The following PPM1L variants were observed in gnomAD, a reference collection of about 807,000 sequenced individuals.
PPM1L encodes the protein protein phosphatase 1L.
PPM1L carries 13 observed loss-of-function variants against 31.4 expected under a neutral mutation model. That is an observed-to-expected ratio of 0.41 (90% CI 0.27 to 0.66). PPM1L has a LOEUF of 0.66. PPM1L is among the 30% of genes least tolerant of loss of function. PPM1L has a pLI of 0.29. For missense variants in PPM1L, 326 were observed against 453.7 expected, an observed-to-expected ratio of 0.72 and a Z score of 2.56; for synonymous variants, 184 against 175.4, an observed-to-expected ratio of 1.05 and a Z score of -0.39.
rs1714812205 is a variant in PPM1L at position 160,756,628 on chromosome 3, A to ATC, written c.320_321insTC (p.Arg108ProfsTer33). The ATC allele has an allele frequency of 1.2e-6, 2 of 1,613,932 alleles. No homozygotes were observed. The highest frequency in any genetic ancestry group is 3.3e-5 in the Admixed American group (2 of 59,992). On this transcript the variant is annotated frameshift_variant, in exon 1 of 4. Coordinates refer to ENST00000498165, the MANE Select transcript of PPM1L (RefSeq NM_139245.4). LOFTEE classifies it high-confidence loss of function. The surrounding 1 kb of genome is among the most constrained non-coding windows in gnomAD (Gnocchi z 6.2). ...CAGGGCCGGAGAGACCACATGGAGG[A>ATC]CCGCTTCGAAGTTCTCACGGATCTG...
intron 1 of PPM1L, among the ~76,000 whole-genome samples, chr3:160,779,017 C>A (rs917969321): frequency 4.0e-5 from 6 of 150,492 alleles, no homozygotes; most frequent in Non-Finnish European, 8.8e-5. Flanking sequence ...AGTAAACAGT[C>A]TAAAAATGCT....
intron 1 of PPM1L, among the ~76,000 whole-genome samples, chr3:160,899,844 A>G (rs372418175): frequency 1.0e-3 from 154 of 152,300 alleles, no homozygotes; most frequent in African/African-American, 3.6e-3. Flanking sequence ...TTAAATGTAG[A>G]TGAATTTTCT....
At chr3:160,836,382 T>C (rs1049612248) in intron 1 of PPM1L, among the ~76,000 whole-genome samples, 2 of 151,972 alleles carry the variant, frequency 1.3e-5, no homozygotes, top group Non-Finnish European at 2.9e-5. Flanking sequence ...GTGTGAATAG[T>C]GGGCAGGGGA....
intron 1 of PPM1L, among the ~76,000 whole-genome samples, chr3:160,931,778 C>G (rs1714795761): frequency 2.0e-5 from 3 of 152,174 alleles, no homozygotes; most frequent in African/African-American, 2.4e-5. Flanking sequence ...TGATGCAAAC[C>G]TATTCTTCCA....
chr3:160,840,351 A>G (rs1713835215), intron 1 of PPM1L, among the ~76,000 whole-genome samples: 1 of 152,190 alleles, frequency 6.6e-6, no homozygotes. Flanking sequence ...TCTGGAATCC[A>G]CAGGAATGAC....
intron 1 of PPM1L, among the ~76,000 whole-genome samples, chr3:160,907,899 C>T (rs1019719970): frequency 1.3e-5 from 2 of 152,118 alleles, no homozygotes; most frequent in Non-Finnish European, 2.9e-5. Flanking sequence ...CTCCTCTTAC[C>T]CTCTGATCTC....
At chr3:160,885,548 G>T (rs1186413772) in intron 1 of PPM1L, among the ~76,000 whole-genome samples, 3 of 152,198 alleles carry the variant, frequency 2.0e-5, no homozygotes, top group Non-Finnish European at 4.4e-5. Flanking sequence ...GAACCAACTA[G>T]ACTCTGGCTG....
At chr3:161,001,954 A>G (rs916073809) in intron 2 of PPM1L, among the ~76,000 whole-genome samples, 5 of 151,996 alleles carry the variant, frequency 3.3e-5, no homozygotes, top group African/African-American at 1.2e-4. Flanking sequence ...GTCATCTAGC[A>G]TTAGGTATAT....
chr3:160,856,975 A>G (rs1336334425), intron 1 of PPM1L, among the ~76,000 whole-genome samples: 1 of 152,122 alleles, frequency 6.6e-6, no homozygotes, highest in East Asian at 1.9e-4. Context: ...AAATTTCTGA[A>G]ACTTCTTTCC....
Position 161,046,326 on chromosome 3 carries a change from C to A in PPM1L, c.575-19077C>A, listed in dbSNP as rs574465052. On this transcript the variant is annotated intron_variant, in intron 2 of 3. Transcript: ENST00000498165. ...CTATAAACACCTCTATGCAAATAAACTAGAAAATCTAGAAAAAATTGATAA... is the reference window on the plus strand; with the variant it reads ...CTATAAACACCTCTATGCAAATAAAATAGAAAATCTAGAAAAAATTGATAA... 4.3e-4 allele frequency among the ~76,000 whole-genome samples: 66 copies of A among 152,142 alleles called. No individual in the cohort carries two copies. In the South Asian group the frequency reaches 0.013, roughly 30 times the overall value.
chr3:161,017,788 A>G (rs887313235), intron 2 of PPM1L, among the ~76,000 whole-genome samples: 16 of 152,128 alleles, frequency 1.1e-4, no homozygotes, highest in Non-Finnish European at 2.2e-4. Context: ...CTACAAATAC[A>G]AGGAAAAAGT....
intron 2 of PPM1L, among the ~76,000 whole-genome samples, chr3:161,010,223 A>T (rs113858252): frequency 6.6e-6 from 1 of 151,990 alleles, no homozygotes; most frequent in African/African-American, 2.4e-5. Context: ...TCATTATTCA[A>T]TTCCCACCTA....
intron 2 of PPM1L, among the ~76,000 whole-genome samples, chr3:161,004,036 G>C (rs1251442569): frequency 1.4e-5 from 2 of 147,078 alleles, no homozygotes; most frequent in Non-Finnish European, 3.0e-5. Context: ...TTTATTGAGA[G>C]TTTTTAGCAT....
intron 1 of PPM1L, among the ~76,000 whole-genome samples, chr3:160,888,149 A>G (rs1031219195): frequency 3.9e-5 from 6 of 152,210 alleles, no homozygotes; most frequent in African/African-American, 7.2e-5. Context: ...ACCAGATAGC[A>G]TCATGATGAC....
At chr3:160,763,484 T>A (rs1271269108) in intron 1 of PPM1L, among the ~76,000 whole-genome samples, 1 of 152,202 alleles carries the variant, frequency 6.6e-6, no homozygotes, top group Non-Finnish European at 1.5e-5. Flanking sequence ...GGATAACACA[T>A]TGCTTGTGAC....
At chr3:160,798,175 T>TA (rs1173136737) in intron 1 of PPM1L, among the ~76,000 whole-genome samples, 3 of 147,946 alleles carry the variant, frequency 2.0e-5, no homozygotes, top group Admixed American at 6.6e-5. Context: ...AAGACTCCAC[T>TA]AAAAAAACAA....
At position 160,827,697 on chromosome 3, in the gene PPM1L, A is replaced by T. The variant is rs2108095241; in HGVS notation, c.399+70990A>T. Reference sequence around the variant, plus strand: ...TGCAGGCCTCTGCATACTCTATCTAATTGACTAATGACTGAAACAGATTCA... The same window carrying T: ...TGCAGGCCTCTGCATACTCTATCTATTTGACTAATGACTGAAACAGATTCA... On this transcript the variant is annotated intron_variant, in intron 1 of 3. Coordinates refer to ENST00000498165, the MANE Select transcript of PPM1L (RefSeq NM_139245.4). Among the ~76,000 whole-genome samples the T allele has an allele frequency of 2.0e-5, 3 of 150,940 alleles. 1 individual carries two copies. The Middle Eastern group carries it at 0.01, about 517-fold the overall frequency.
At chr3:160,867,849 AT>A (rs1275977731) in intron 1 of PPM1L, among the ~76,000 whole-genome samples, 23 of 152,186 alleles carry the variant, frequency 1.5e-4, no homozygotes, top group African/African-American at 4.8e-4. Flanking sequence ...TGGCAGCTGA[AT>A]TCCAGGACAG....
chr3:160,762,612 G>A (rs1714997984), intron 1 of PPM1L, among the ~76,000 whole-genome samples: 1 of 152,192 alleles, frequency 6.6e-6, no homozygotes, highest in Admixed American at 6.5e-5. Flanking sequence ...ACAAGTGTGT[G>A]ATGGCTTGAC....
Sources: gnomAD v4.1 joint callset for allele counts (sites outside exome capture counted in the v4.1 genomes callset) on GRCh38, gnomAD v4.1.1 for gene constraint, Gnocchi (gnomAD v3.1) non-coding constraint, MANE v1.5 for transcripts, NCBI Gene and HGNC (gene_info 2026-07-23, HGNC 2026-07-21) for gene names.